Variants in TEX11 observed in about 807,000 individuals in gnomAD.
TEX11 encodes the protein testis expressed 11.
TEX11 carries 7 observed loss-of-function variants against 84.4 expected under a neutral mutation model. The ratio of observed to expected loss-of-function variants is 0.08; its 90% CI spans 0.05 to 0.16. TEX11 has a LOEUF of 0.16. Among genes scored for constraint, TEX11 ranks in the 10% least tolerant of loss-of-function variants. The probability of loss-of-function intolerance (pLI) is 1.00; values close to 1 mark genes in which losing one functional copy is unlikely to be tolerated. For synonymous variants in TEX11, 264 were observed against 222.8 expected (o/e 1.18, Z -1.64); for missense variants, 551 against 660.5 (o/e 0.83, Z 1.82).
At chrX:70,708,643 G>C (rs1189837028) in intron 13 of TEX11, among the ~76,000 whole-genome samples, 2 of 111,655 alleles carry the variant, frequency 1.8e-5, no homozygotes, top group Non-Finnish European at 3.8e-5. Flanking sequence ...CATGTTCTTT[G>C]CAGCAACATG....
intron 28 of TEX11, among the ~76,000 whole-genome samples, chrX:70,549,636 T>A (rs1473506195): frequency 9.0e-6 from 1 of 111,268 alleles, no homozygotes; most frequent in East Asian, 2.9e-4. Context: ...CCAGCAGAAC[T>A]CCCCACACCA....
intron 24 of TEX11, among the ~76,000 whole-genome samples, chrX:70,593,253 G>A (rs1184734436): frequency 8.9e-6 from 1 of 111,748 alleles, no homozygotes; most frequent in Non-Finnish European, 1.9e-5. Flanking sequence ...TTACCAGAGG[G>A]AGGTATAAGC....
At chrX:70,587,185 A>G (rs144397818) in intron 25 of TEX11, among the ~76,000 whole-genome samples, 146 of 112,276 alleles carry the variant, frequency 1.3e-3, no homozygotes, top group African/African-American at 4.5e-3. Flanking sequence ...AGAGAAACCC[A>G]TTTTCTGGGG....
intron 24 of TEX11, among the ~76,000 whole-genome samples, chrX:70,597,608 AAAAAT>A (rs1304837238): frequency 9.0e-6 from 1 of 111,724 alleles, no homozygotes; most frequent in Non-Finnish European, 1.9e-5. Flanking sequence ...CACCATACAC[AAAAAT>A]TAACTCAAAA....
At chrX:70,633,896 TGACA>T (rs2089539374) in intron 17 of TEX11, among the ~76,000 whole-genome samples, 1 of 111,385 alleles carries the variant, frequency 9.0e-6, no homozygotes. Context: ...CCAGCCTAGG[TGACA>T]GAACAGGTCT....
intron 7 of TEX11, among the ~76,000 whole-genome samples, chrX:70,846,464 A>G (rs1467963466): frequency 8.9e-6 from 1 of 112,361 alleles, no homozygotes; most frequent in Non-Finnish European, 1.9e-5. Flanking sequence ...TAGGCAAATA[A>G]TGTTTTAGAA....
chrX:70,765,732 A>C (rs996879065), intron 9 of TEX11, among the ~76,000 whole-genome samples: 5 of 111,993 alleles, frequency 4.5e-5, no homozygotes, highest in African/African-American at 1.6e-4. Flanking sequence ...GGAACACAAC[A>C]AGGATGCCCA....
intron 14 of TEX11, among the ~76,000 whole-genome samples, chrX:70,679,458 G>A (rs1438857147): frequency 9.8e-5 from 10 of 102,564 alleles, no homozygotes; most frequent in African/African-American, 3.3e-4. Flanking sequence ...AGTGAGGAGC[G>A]TCTCTGCCCG....
chrX:70,585,104 C>T (rs1348233955), intron 25 of TEX11, among the ~76,000 whole-genome samples: 3 of 112,134 alleles, frequency 2.7e-5, no homozygotes, highest in Non-Finnish European at 3.8e-5. Context: ...GTAACTCTCA[C>T]TGTTCACAGA....
Position 70,836,824 on chromosome X carries a change from C to T in TEX11, c.526-3231G>A, listed in dbSNP as rs765496333. Reference sequence around the variant, plus strand: ...CTGAGGTCAGCAGTTTGAGACAAGCCTGGCCAAGATGGCAAAGCCCCATTT... The same window carrying T: ...CTGAGGTCAGCAGTTTGAGACAAGCTTGGCCAAGATGGCAAAGCCCCATTT... On this transcript the variant is annotated intron_variant, in intron 7 of 29. Coordinates refer to ENST00000374333, the MANE Select transcript of TEX11 (RefSeq NM_031276.3). Among the ~76,000 whole-genome samples, 8 of 111,627 alleles carry T rather than the reference C, an allele frequency of 7.2e-5. No homozygotes were observed. The East Asian group carries it at 1.1e-3, about 16-fold the overall frequency.
intron 13 of TEX11, among the ~76,000 whole-genome samples, chrX:70,699,491 G>A: frequency 8.9e-6 from 1 of 112,038 alleles, no homozygotes; most frequent in Non-Finnish European, 1.9e-5. Context: ...GAACACTCAT[G>A]TGGGAAGTTA....
chrX:70,518,942 C>T, the TEX11 span, among the ~76,000 whole-genome samples: 7 of 111,541 alleles, frequency 6.3e-5, no homozygotes, highest in African/African-American at 2.3e-4. Flanking sequence ...AACCCCTGCT[C>T]TTTTTTGTTT....
chrX:70,863,679 T>C (rs953642516), intron 4 of TEX11, among the ~76,000 whole-genome samples: 4 of 111,462 alleles, frequency 3.6e-5, no homozygotes, highest in Non-Finnish European at 5.6e-5. Flanking sequence ...CCCCTCAAAA[T>C]GATCGCAACT....
chrX:70,565,197 A>C (rs1350578520), intron 25 of TEX11, among the ~76,000 whole-genome samples: 4 of 110,420 alleles, frequency 3.6e-5, no homozygotes, highest in Admixed American at 2.9e-4. Flanking sequence ...GGCTGCATAA[A>C]TGTCTTCTTT....
Position 70,805,854 on chromosome X carries a change from G to A in TEX11, c.692+851C>T, listed in dbSNP as rs190929944. On this transcript the variant is annotated intron_variant, in intron 9 of 29. Coordinates refer to ENST00000374333, the MANE Select transcript of TEX11 (RefSeq NM_031276.3). ...GCCTAGGTTTTCAGTGAAAGAAAGGGTTCTTGCACATTTCCTATATTTTTG... is the reference window on the plus strand; with the variant it reads ...GCCTAGGTTTTCAGTGAAAGAAAGGATTCTTGCACATTTCCTATATTTTTG... Among the ~76,000 whole-genome samples the A allele has an allele frequency of 7.1e-5, 8 of 112,245 alleles. No individual in the cohort carries two copies. In the Admixed American group the frequency reaches 7.6e-4, roughly 11 times the overall value.
At chrX:70,897,679 AAAAG>A (rs200506308) in intron 2 of TEX11, 14,840 of 75,745 alleles carry the variant, frequency 0.2, 1,504 homozygotes, top group Admixed American at 0.22. Flanking sequence ...CAAAGAAAGA[AAAAG>A]AAAGAAAGAA....
chrX:70,755,892 A>C (rs1280243912), intron 9 of TEX11, among the ~76,000 whole-genome samples: 1 of 112,460 alleles, frequency 8.9e-6, no homozygotes, highest in Non-Finnish European at 1.9e-5. Flanking sequence ...CTCCTGCCCA[A>C]ATACTGTGCT....
chrX:70,878,587 G>A (rs947538985), intron 3 of TEX11, among the ~76,000 whole-genome samples: 5 of 107,938 alleles, frequency 4.6e-5, no homozygotes, highest in South Asian at 4.1e-4. Flanking sequence ...AAACCTGCCC[G>A]TTGTGCACAT....
rs374217762 is a variant in TEX11, at chrX:70,722,647, G to T, written c.975C>A (p.Asn325Lys). Residue 325 changes from asparagine to lysine, a missense_variant, in exon 13 of 30, where the codon AAC becomes AAA. By Grantham distance (94) the Asn-to-Lys change is moderately conservative (BLOSUM62 0). Coordinates refer to ENST00000374333, the MANE Select transcript of TEX11 (RefSeq NM_031276.3). ...CATGATCCATCAGCAGTTTAGCAAT[G>T]TTCAGACAGAAGTCTAAGGGCATGT... The part of the protein sequence containing the change: ...HLDMPLDFCL[N>K]IAKLLMDHER... 5.3e-5 allele frequency: 64 copies of T among 1,205,098 alleles called. No homozygotes were observed. Among genetic ancestry groups the T allele is most frequent in the Non-Finnish European group, 6.8e-5 (61 of 891,469 alleles).
Sources: allele counts gnomAD v4.1 joint callset (sites outside exome capture counted in the v4.1 genomes callset), GRCh38; gene constraint gnomAD v4.1.1; transcripts MANE v1.5; gene names NCBI Gene and HGNC (gene_info 2026-07-23, HGNC 2026-07-21).